USP47: variants seen among roughly 807,000 people sequenced by gnomAD.
USP47 encodes the protein ubiquitin specific peptidase 47, also known as ubiquitin carboxyl-terminal hydrolase 47.
A neutral mutation model predicts 165.1 loss-of-function variants in USP47; 35 were observed. The observed-to-expected ratio is 0.21, with a 90% CI of 0.16 to 0.28. The LOEUF is 0.28. Ranked by LOEUF, USP47 falls within the 10% of genes least tolerant of loss-of-function variation. The probability of loss-of-function intolerance (pLI) is 1.00; values close to 1 mark genes in which losing one functional copy is unlikely to be tolerated. For missense variants in USP47, 1,277 were observed against 1,607.4 expected, an observed-to-expected ratio of 0.79 and a Z score of 3.52; for synonymous variants, 531 against 544.5, an observed-to-expected ratio of 0.98 and a Z score of 0.35.
At chr11:11,923,336 C>A (rs1854000524) in intron 11 of USP47, among the ~76,000 whole-genome samples, 2 of 151,818 alleles carry the variant, frequency 1.3e-5, no homozygotes, top group Non-Finnish European at 2.9e-5. Context: ...CCATGAAACA[C>A]TTTATGAGAC....
chr11:11,896,754 A>G (rs907479219), intron 4 of USP47, among the ~76,000 whole-genome samples: 1 of 152,160 alleles, frequency 6.6e-6, no homozygotes, highest in Non-Finnish European at 1.5e-5. Context: ...ATAGGATCCT[A>G]TGAGAACAAC....
At chr11:11,872,434 G>A (rs1850126389) in intron 1 of USP47, among the ~76,000 whole-genome samples, 1 of 152,174 alleles carries the variant, frequency 6.6e-6, no homozygotes, top group South Asian at 2.1e-4. Context: ...TACTTTTGCT[G>A]GAGGCAAGTT....
Position 11,959,684 on chromosome 11 carries a change from G to T in USP47, c.*3509G>T, listed in dbSNP as rs1286225403. The stretch of plus-strand genomic sequence containing the variant: ...CATGTGTTACTATTTAGAAAAGAGT[G>T]CAGCCATCAGTAGGTCAAGCTAGGA... On this transcript the variant is annotated 3_prime_UTR_variant, in exon 28 of 28. Coordinates refer to ENST00000527733, the MANE Select transcript of USP47 (RefSeq NM_001282659.2). Among the ~76,000 whole-genome samples, 5 of 152,194 alleles carry T rather than the reference G, an allele frequency of 3.3e-5. No individual in the cohort carries two copies. In the East Asian group the frequency reaches 9.6e-4, roughly 29 times the overall value.
rs71037046 is a variant in USP47 at position 11,871,501 on chromosome 11, CAAAAAAAAAAAAAAAAAAAAAA to C, written c.40-8660_40-8639del. ...CTGGCAACAGAGCGAAACTCCCTCT[CAAAAAAAAAAAAAAAAAAAAAA>C]AAAAAAAAAAAAAAAGAATTCTGGT... is the stretch of plus-strand genomic sequence containing the variant. On this transcript the variant is annotated intron_variant, in intron 1 of 27. Transcript: ENST00000527733. 1.6e-4 allele frequency among the ~76,000 whole-genome samples: 10 copies of C among 63,152 alleles called. 1 individual carries two copies. The highest frequency in any genetic ancestry group is 1.8e-4 in the African/African-American group (4 of 22,490). 41.4% of individuals were successfully genotyped at this position (63,152 alleles called of 152,430 possible).
At chr11:11,922,624 T>C (rs569166982) in intron 10 of USP47, 100 bp from the exon 11 acceptor site, 2 of 897,952 alleles carry the variant, frequency 2.2e-6, no homozygotes, top group East Asian at 6.3e-5. Flanking sequence ...ACTAATATGT[T>C]AAATTGTGTG....
chr11:11,888,984 A>T (rs537350898), intron 3 of USP47, among the ~76,000 whole-genome samples: 10 of 152,102 alleles, frequency 6.6e-5, no homozygotes, highest in South Asian at 2.1e-4. Context: ...AGAAAAGGCC[A>T]TCAGTAAAAT....
chr11:11,855,134 CAA>C (rs1848963813), intron 1 of USP47, among the ~76,000 whole-genome samples: 1 of 150,968 alleles, frequency 6.6e-6, no homozygotes, highest in Non-Finnish European at 1.5e-5. Context: ...GAACACATAA[CAA>C]AGTGAAAGTA....
chr11:11,924,401 C>T (rs967350936), intron 11 of USP47, among the ~76,000 whole-genome samples: 1 of 152,124 alleles, frequency 6.6e-6, no homozygotes, highest in Admixed American at 6.5e-5. Flanking sequence ...CATCTGTGTT[C>T]ATGAGATGCA....
intron 1 of USP47, among the ~76,000 whole-genome samples, chr11:11,873,125 A>G (rs889781842): frequency 2.0e-5 from 3 of 152,178 alleles, no homozygotes; most frequent in African/African-American, 7.2e-5. Context: ...GTATGTTGCT[A>G]TTATAACAGA....
At position 11,956,304 on chromosome 11, in the gene USP47, C is replaced by G; in HGVS notation, c.*129C>G. ...GTGACACCAGCACTGATTGGACTGC[C>G]CTACACCAATCAGAAGCTCAGTGCC... On this transcript the variant is annotated 3_prime_UTR_variant, in exon 28 of 28. Transcript: ENST00000527733. The G allele has an allele frequency of 7.9e-6, 7 of 882,452 alleles. No individual in the cohort carries two copies. Among genetic ancestry groups the G allele is most frequent in the Non-Finnish European group, 1.2e-5 (7 of 589,124 alleles). 54.7% of individuals were successfully genotyped at this position (882,452 alleles called of 1,614,324 possible). A position where few individuals can be genotyped will look rare whatever the true frequency, so the allele number is the denominator to read the frequency against.
Position 11,885,571 on chromosome 11 carries a change from G to A in USP47, c.357+991G>A, listed in dbSNP as rs551581770. 2.6e-5 allele frequency among the ~76,000 whole-genome samples: 4 copies of A among 152,184 alleles called. No individual in the cohort carries two copies. In the South Asian group the frequency reaches 8.3e-4, roughly 32 times the overall value. On this transcript the variant is annotated intron_variant, in intron 3 of 27. Coordinates refer to ENST00000527733, the MANE Select transcript of USP47 (RefSeq NM_001282659.2). ...GGAGCCCACGCCACCAGGGTCTTGG[G>A]TCCAATACACAGAGCTATGTGGAAT...
intron 17 of USP47, among the ~76,000 whole-genome samples, chr11:11,937,630 G>A (rs1855169344): frequency 1.3e-5 from 2 of 149,564 alleles, no homozygotes; most frequent in African/African-American, 4.9e-5. Flanking sequence ...ACATGAGTCA[G>A]CAGTAATACC....
In USP47 at chr11:11,955,045, A is replaced by G; in HGVS notation, c.3774A>G (p.Thr1258=). ...DDIEFAKGRG[T]FPCDISVLDI... is the part of the protein sequence containing the mutation. ...CTTTTTCTTTTTAGGGTAGAGGAAC[A>G]TTTCCCTGTGATATTTCTGTCCTTG... Residue 1258 remains threonine (T), a synonymous_variant, in exon 27 of 28, where the codon ACA becomes ACG. Transcript: ENST00000527733. 6.2e-7 allele frequency: 1 copy of G among 1,613,472 alleles called. No individual in the cohort carries two copies. Among genetic ancestry groups the G allele is most frequent in the African/African-American group, 1.3e-5 (1 of 74,966 alleles).
chr11:11,900,813 T>C (rs1034194112), intron 5 of USP47, among the ~76,000 whole-genome samples: 2 of 152,226 alleles, frequency 1.3e-5, no homozygotes, highest in African/African-American at 4.8e-5. Flanking sequence ...CCTTTTCAGG[T>C]ATTTGTACCA....
chr11:11,918,694 A>G (rs1016531087), intron 8 of USP47, among the ~76,000 whole-genome samples: 30 of 151,818 alleles, frequency 2.0e-4, no homozygotes, highest in African/African-American at 7.0e-4. Flanking sequence ...CCAAGTTTTA[A>G]TTTTTTTTAA....
intron 2 of USP47, 71 bp downstream of exon 2, chr11:11,880,451 T>G: frequency 1.7e-6 from 2 of 1,159,188 alleles, no homozygotes; most frequent in Non-Finnish European, 2.2e-6. Flanking sequence ...GATGATAATG[T>G]TAAATCCTGG....
At chr11:11,880,440 T>C in intron 2 of USP47, 60 bp downstream of exon 2, 1 of 1,191,200 alleles carries the variant, frequency 8.4e-7, no homozygotes, top group Admixed American at 4.1e-5. Flanking sequence ...TTGTTGTTAC[T>C]GATGATAATG....
intron 4 of USP47, among the ~76,000 whole-genome samples, chr11:11,895,717 G>T (rs1222883181): frequency 6.6e-6 from 1 of 152,068 alleles, no homozygotes; most frequent in Non-Finnish European, 1.5e-5. Context: ...CAAGTGATTA[G>T]AAACTAAATC....
chr11:11,938,893 T>G (rs1388219173), intron 18 of USP47, among the ~76,000 whole-genome samples: 1 of 151,774 alleles, frequency 6.6e-6, no homozygotes, highest in African/African-American at 2.4e-5. Flanking sequence ...GTAGGACTTG[T>G]AATTGTTAAA....
Sources: allele counts gnomAD v4.1 joint callset (sites outside exome capture counted in the v4.1 genomes callset), GRCh38; gene constraint gnomAD v4.1.1; transcripts MANE v1.5; gene names NCBI Gene and HGNC (gene_info 2026-07-23, HGNC 2026-07-21).